Variants in EPS8L1 observed in about 807,000 individuals in gnomAD.
The protein encoded by EPS8L1 is EPS8 signaling adaptor L1.
EPS8L1 carries 101 observed loss-of-function variants against 91.7 expected under a neutral mutation model. That is an observed-to-expected ratio of 1.10 (90% CI 0.94 to 1.30). EPS8L1 has a LOEUF of 1.30. Ranked by LOEUF, EPS8L1 falls within the 50% of genes most tolerant of loss-of-function variation. The pLI, the probability that EPS8L1 is intolerant of heterozygous loss-of-function variation, is 0.00. For synonymous variants in EPS8L1, 506 were observed against 445.3 expected (o/e 1.14, Z -1.72); for missense variants, 1,114 against 1,017.0 (o/e 1.10, Z -1.30).
chr19:55,076,513 C>G, intron 2 of EPS8L1, 52 bp downstream of exon 2: 1 of 1,595,764 alleles, frequency 6.3e-7, no homozygotes, highest in Non-Finnish European at 8.6e-7. Context: ...CCCGCCTCCC[C>G]TCGCCTCCTC....
chr19:55,076,471 C>A lies in EPS8L1; in HGVS notation c.17+10C>A. The A allele has an allele frequency of 1.2e-6, 2 of 1,611,670 alleles. No individual in the cohort carries two copies. The highest frequency in any genetic ancestry group is 1.7e-6 in the Non-Finnish European group (2 of 1,178,896). On this transcript the variant is annotated intron_variant, in intron 2 of 19. Coordinates refer to ENST00000201647, the MANE Select transcript of EPS8L1 (RefSeq NM_133180.3). ...TGAGCACCGCCACAGGGTAAGCGCC[C>A]CCGGACCCCAGGTCCCAGCCCCAGC...
intron 12 of EPS8L1, among the ~76,000 whole-genome samples, chr19:55,082,951 C>G (rs1467397639): frequency 4.6e-5 from 7 of 152,198 alleles, no homozygotes; most frequent in African/African-American, 1.7e-4. Flanking sequence ...GGGACAGAGT[C>G]TGTGCACTGC....
chr19:55,082,740 C>T, intron 12 of EPS8L1, 138 bp downstream of exon 12: 4 of 815,328 alleles, frequency 4.9e-6, no homozygotes, highest in Admixed American at 2.9e-5. Context: ...TGTGTTGGGG[C>T]GGGGCTTAGG....
chr19:55,080,955 G>A (rs1373612453), intron 7 of EPS8L1, 101 bp downstream of exon 7: 1 of 1,167,428 alleles, frequency 8.6e-7, no homozygotes, highest in South Asian at 1.5e-5. Context: ...GTTTTGCATG[G>A]AGTCAAGCAC....
At chr19:55,079,909 G>C (rs2147135709) in intron 5 of EPS8L1, 58 bp downstream of exon 5, 1 of 1,532,516 alleles carries the variant, frequency 6.5e-7, no homozygotes, top group Non-Finnish European at 8.8e-7. Flanking sequence ...AGGGGGTCTG[G>C]GTGTGAATCT....
intron 6 of EPS8L1, chr19:55,080,542 G>A (rs778870327): frequency 6.2e-7 from 1 of 1,612,466 alleles, no homozygotes; most frequent in Admixed American, 1.7e-5. Context: ...CCAGGACGAG[G>A]TGGGGGCGAG....
chr19:55,079,120 G>A lies in EPS8L1; in HGVS notation c.117+63G>A, dbSNP rs187944024. The A allele has an allele frequency of 2.7e-5, 42 of 1,570,516 alleles. No individual in the cohort carries two copies. The East Asian group carries it at 6.7e-4, about 25-fold the overall frequency. On this transcript the variant is annotated intron_variant, in intron 4 of 19. Coordinates refer to ENST00000201647, the MANE Select transcript of EPS8L1 (RefSeq NM_133180.3). ...GGGGCAAAGGTGGCCTCAGGAGATAGGGCTTTTGAAAGCAGCTAGGCCCCC... is the reference window on the plus strand; with the variant it reads ...GGGGCAAAGGTGGCCTCAGGAGATAAGGCTTTTGAAAGCAGCTAGGCCCCC...
intron 2 of EPS8L1, among the ~76,000 whole-genome samples, chr19:55,077,532 G>A (rs1225292067): frequency 1.3e-5 from 2 of 151,418 alleles, no homozygotes; most frequent in South Asian, 2.1e-4. Flanking sequence ...ACTATGCCAT[G>A]GTAGAGATCA....
Position 55,087,436 on chromosome 19 carries a change from G to A in EPS8L1, c.2085+1G>A. ...CACCGTGCAGCGCTCGCTGCTGGAG[G>A]TGAGCCGGACCGCTGGTCCCTGGGT... On this transcript the variant is annotated splice_donor_variant, in intron 19 of 19. Transcript: ENST00000201647. LOFTEE classifies it high-confidence loss of function. 1.9e-6 allele frequency: 3 copies of A among 1,614,196 alleles called. No individual in the cohort carries two copies. Among genetic ancestry groups the A allele is most frequent in the Non-Finnish European group, 2.5e-6 (3 of 1,180,030 alleles).
chr19:55,081,609 T>G lies in EPS8L1; in HGVS notation c.774+117T>G. ...GTTCTCTGGTCAGACTTCTGCGTTA[T>G]GGAAGAGGGGCTGGGTCGGGGGCGG... On this transcript the variant is annotated intron_variant, in intron 8 of 19. Coordinates refer to ENST00000201647, the MANE Select transcript of EPS8L1 (RefSeq NM_133180.3). The surrounding 1 kb of genome is among the most constrained non-coding windows in gnomAD (Gnocchi z 4.9). 1 of 495,856 alleles carries G rather than the reference T, an allele frequency of 2.0e-6. No individual in the cohort carries two copies. The highest frequency in any genetic ancestry group is 2.6e-5 in the South Asian group (1 of 38,020). 30.7% of individuals were successfully genotyped at this position (495,856 alleles called of 1,614,324 possible). A position where few individuals can be genotyped will look rare whatever the true frequency, so the allele number is the denominator to read the frequency against.
intron 5 of EPS8L1, 116 bp downstream of exon 5, chr19:55,079,967 C>T: frequency 1.4e-6 from 2 of 1,447,578 alleles, no homozygotes; most frequent in Non-Finnish European, 1.8e-6. Context: ...GGGACCCCAG[C>T]CCCCTTCTTG....
At position 55,080,803 on chromosome 19, in the gene EPS8L1, C is replaced by T. The variant is rs756975171; in HGVS notation, c.461C>T (p.Ala154Val). 2.7e-5 allele frequency: 43 copies of T among 1,611,888 alleles called. No individual in the cohort carries two copies. Among genetic ancestry groups the T allele is most frequent in the Non-Finnish European group, 3.4e-5 (40 of 1,179,184 alleles). ...AELIREDIQG[A>V]LHNYRSGRGE... ...CTGATCCGAGAGGACATCCAGGGGG[C>T]TCTGCACAATTACCGCTCGGGCCGC... The change falls in exon 7 of 20, where the codon GCT becomes GTT. Residue 154 changes from alanine to valine, a missense_variant. Transcript: ENST00000201647.
At chr19:55,087,037 C>A in intron 18 of EPS8L1, 149 bp downstream of exon 18, 1 of 1,131,946 alleles carries the variant, frequency 8.8e-7, no homozygotes, top group Non-Finnish European at 1.2e-6. Context: ...GTAGCAACAC[C>A]CAATGGCAGG....
chr19:55,082,255 C>T lies in EPS8L1; in HGVS notation c.991-20C>T, dbSNP rs748753105. On this transcript the variant is annotated intron_variant, in intron 10 of 19. Coordinates refer to ENST00000201647, the MANE Select transcript of EPS8L1 (RefSeq NM_133180.3). ...CCCGTCCCCGCACCCACGCCAACCA[C>T]CTCCCTCCCCACGCCCCAGGCCCGG... is the stretch of plus-strand genomic sequence containing the variant. 9 of 1,608,254 alleles carry T rather than the reference C, an allele frequency of 5.6e-6. No homozygotes were observed. The South Asian group carries it at 7.8e-5, about 14-fold the overall frequency.
At position 55,083,501 on chromosome 19, in the gene EPS8L1, C is replaced by G. The variant is rs1292098121; in HGVS notation, c.1338C>G (p.His446Gln). Residue 446 changes from histidine to glutamine, a missense_variant, in exon 13 of 20, where the codon CAC (histidine) becomes CAG (glutamine). Coordinates refer to ENST00000201647, the MANE Select transcript of EPS8L1 (RefSeq NM_133180.3). The surrounding 1 kb of genome is among the most constrained non-coding windows in gnomAD (Gnocchi z 4.7). ...ACCCAGTTGAGAAACAGCTACAGCA[C>G]GAGCGGAGGCGCCGGCAGGTGACCC... ...WEDPVEKQLQ[H>Q]ERRRRQQSAP... 1.9e-6 allele frequency: 3 copies of G among 1,611,036 alleles called. No individual in the cohort carries two copies. Among genetic ancestry groups the G allele is most frequent in the East Asian group, 2.2e-5 (1 of 44,808 alleles).
chr19:55,083,253 A>T lies in EPS8L1; in HGVS notation c.1215-125A>T. The T allele has an allele frequency of 7.9e-7, 1 of 1,272,898 alleles. No homozygotes were observed. 78.9% of individuals were successfully genotyped at this position (1,272,898 alleles called of 1,614,324 possible). On this transcript the variant is annotated intron_variant, in intron 12 of 19. Transcript: ENST00000201647. This position sits in a 1 kb window ranked among gnomAD's most constrained non-coding sequence, Gnocchi z 4.7. ...GAGCTACCGGCAGGACTTGGTGAAA[A>T]GTGGCGGGGCTAGAATCGTTGGAAT...
At chr19:55,087,070 G>A in intron 18 of EPS8L1, 182 bp downstream of exon 18, 2 of 1,051,324 alleles carry the variant, frequency 1.9e-6, no homozygotes, top group African/African-American at 3.3e-5. Flanking sequence ...TGTTTTTTCA[G>A]ACTCCGACTG....
intron 18 of EPS8L1, 60 bp downstream of exon 18, chr19:55,086,948 C>G: frequency 7.1e-7 from 1 of 1,400,270 alleles, no homozygotes; most frequent in East Asian, 2.8e-5. Context: ...GCGGAGCGTT[C>G]CGATCGGCCG....
rs750883568 is a variant in EPS8L1, at chr19:55,079,829, C to G, written c.257C>G (p.Thr86Arg). The G allele has an allele frequency of 3.7e-6, 6 of 1,613,374 alleles. No homozygotes were observed. In the South Asian group the frequency reaches 4.4e-5, roughly 12 times the overall value. The change falls in exon 5 of 20, where the codon ACG (threonine) becomes AGG (arginine). Residue 86 changes from threonine (T) to arginine (R), a missense_variant. By Grantham distance (71) the Thr-to-Arg change is moderately conservative. Coordinates refer to ENST00000201647, the MANE Select transcript of EPS8L1 (RefSeq NM_133180.3). ...CTGCGAGTGTCTCCCGACCATGTCACGCTGCTCGACCCGGCCTCCAAGGTG... is the reference window on the plus strand; with the variant it reads ...CTGCGAGTGTCTCCCGACCATGTCAGGCTGCTCGACCCGGCCTCCAAGGTG... ...MLLRVSPDHV[T>R]LLDPASKEEL...
Sources: allele counts gnomAD v4.1 joint callset (sites outside exome capture counted in the v4.1 genomes callset), GRCh38; gene constraint gnomAD v4.1.1; non-coding constraint Gnocchi (gnomAD v3.1); transcripts MANE v1.5; gene names NCBI Gene and HGNC (gene_info 2026-07-23, HGNC 2026-07-21).